Variants in SNTG1 observed in about 807,000 individuals in gnomAD.
SNTG1 encodes the protein gamma-1-syntrophin.
SNTG1 carries 39 observed loss-of-function variants against 74.7 expected under a neutral mutation model. The observed-to-expected ratio is 0.52, with a 90% CI of 0.40 to 0.68. The LOEUF (loss-of-function observed/expected upper bound fraction) is 0.68, where lower values mean the gene tolerates loss of function less well. SNTG1 is among the 30% of genes least tolerant of loss of function. The pLI, the probability that SNTG1 is intolerant of heterozygous loss-of-function variation, is 0.00. For synonymous variants in SNTG1, 254 were observed against 217.1 expected (o/e 1.17, Z -1.49); for missense variants, 685 against 609.5 (o/e 1.12, Z -1.30).
rs571466265 is a variant in SNTG1 at position 50,044,851 on chromosome 8, A to G, written c.-102-127710A>G. ...AAGAACTTCCAGATATAAGGACTTA[A>G]GAGATGATTTTATGGTTATAAGGAA... On this transcript the variant is annotated intron_variant, in intron 1 of 18. Transcript: ENST00000642720. 2.0e-5 allele frequency among the ~76,000 whole-genome samples: 3 copies of G among 152,354 alleles called. No individual in the cohort carries two copies. The South Asian group carries it at 6.2e-4, about 32-fold the overall frequency.
At chr8:50,436,604 T>A (rs2093306081) in intron 4 of SNTG1, among the ~76,000 whole-genome samples, 1 of 152,194 alleles carries the variant, frequency 6.6e-6, no homozygotes, top group African/African-American at 2.4e-5. Context: ...AGTAATTTGC[T>A]GAATGGATGA....
intron 17 of SNTG1, among the ~76,000 whole-genome samples, chr8:50,724,942 A>T (rs1563783517): frequency 1.3e-5 from 2 of 152,154 alleles, no homozygotes; most frequent in African/African-American, 4.8e-5. Context: ...GAGTTAACAG[A>T]TTTTTTTAAA....
intron 2 of SNTG1, among the ~76,000 whole-genome samples, chr8:50,331,749 T>C (rs538019587): frequency 6.6e-6 from 1 of 152,164 alleles, no homozygotes; most frequent in African/African-American, 2.4e-5. Flanking sequence ...AGTTTGAAGG[T>C]ACAATGGACA....
intron 1 of SNTG1, among the ~76,000 whole-genome samples, chr8:50,075,166 G>A (rs1239179863): frequency 6.6e-6 from 1 of 152,136 alleles, no homozygotes; most frequent in African/African-American, 2.4e-5. Flanking sequence ...TGGGCTCCTG[G>A]GCAGCCGGAG....
Position 49,938,426 on chromosome 8 carries a change from G to A in SNTG1, c.-103+26195G>A, listed in dbSNP as rs1018260269. ...GCATGTTTATTAAATTGGATACTCA[G>A]GATGAAAATCATCACTACATAGACA... On this transcript the variant is annotated intron_variant, in intron 1 of 18. Transcript: ENST00000642720. 5.3e-5 allele frequency among the ~76,000 whole-genome samples: 8 copies of A among 152,180 alleles called. No homozygotes were observed. The East Asian group carries it at 5.8e-4, about 11-fold the overall frequency.
intron 1 of SNTG1, among the ~76,000 whole-genome samples, chr8:50,107,240 G>C (rs2080406474): frequency 6.6e-6 from 1 of 152,092 alleles, no homozygotes; most frequent in Non-Finnish European, 1.5e-5. Context: ...CCAAAACAAA[G>C]TGTAACTTGG....
At position 50,609,824 on chromosome 8, in the gene SNTG1, T is replaced by G. The variant is rs139542232; in HGVS notation, c.849+18907T>G. 7.9e-3 allele frequency among the ~76,000 whole-genome samples: 1,202 copies of G among 152,236 alleles called. 12 individuals carry two copies. Among genetic ancestry groups the G allele is most frequent in the African/African-American group, 0.026 (1,100 of 41,576 alleles). On this transcript the variant is annotated intron_variant, in intron 13 of 18. Transcript: ENST00000642720. ...TTCTATTCTTTTCTACTCTAAAAGT[T>G]TCATTTGTTTCTTATTTTTAAATTT...
Position 50,752,775 on chromosome 8 carries a change from C to T in SNTG1, c.1395+664C>T, listed in dbSNP as rs2095570904. Among the ~76,000 whole-genome samples, 3 of 151,896 alleles carry T rather than the reference C, an allele frequency of 2.0e-5. No individual in the cohort carries two copies. In the South Asian group the frequency reaches 6.2e-4, roughly 31 times the overall value. ...ATTCAGAACCTTCCCAGGAATGTCC[C>T]TTGATGATATTTTTGGCAAAGTATC... On this transcript the variant is annotated intron_variant, in intron 18 of 18. Coordinates refer to ENST00000642720, the MANE Select transcript of SNTG1 (RefSeq NM_018967.5).
chr8:50,777,684 T>A (rs2095645027), intron 18 of SNTG1, among the ~76,000 whole-genome samples: 2 of 151,658 alleles, frequency 1.3e-5, no homozygotes, highest in Non-Finnish European at 2.9e-5. Context: ...TCTCTCTCTC[T>A]CTTTTTTTTA....
Position 50,438,609 on chromosome 8 carries a change from C to T in SNTG1, c.219+10C>T, listed in dbSNP as rs1454350476. On this transcript the variant is annotated intron_variant, in intron 5 of 18. Transcript: ENST00000642720. ...TGGATTAAGCATAAAGGTAGCCTGC[C>T]TTTCTAGTCTATCCTTACAAAGGCC... 3.1e-6 allele frequency: 5 copies of T among 1,609,848 alleles called. No homozygotes were observed. In the East Asian group the frequency reaches 6.7e-5, roughly 22 times the overall value.
At chr8:50,508,561 C>T (rs955701642) in intron 9 of SNTG1, among the ~76,000 whole-genome samples, 1 of 152,220 alleles carries the variant, frequency 6.6e-6, no homozygotes, top group Non-Finnish European at 1.5e-5. Flanking sequence ...TCCTATTTCT[C>T]CACATCCTCT....
At chr8:50,026,202 C>T (rs62501397) in intron 1 of SNTG1, among the ~76,000 whole-genome samples, 16,731 of 152,096 alleles carry the variant, frequency 0.11, 1,274 homozygotes, top group Non-Finnish European at 0.16. Context: ...AGATTGAGTC[C>T]ATGTATACCT....
At chr8:50,140,807 G>T (rs1223483804) in intron 1 of SNTG1, among the ~76,000 whole-genome samples, 1 of 152,168 alleles carries the variant, frequency 6.6e-6, no homozygotes, top group African/African-American at 2.4e-5. Flanking sequence ...TTAAAACATG[G>T]TCATTTTGGA....
chr8:50,287,482 G>A (rs2088849613), intron 2 of SNTG1, among the ~76,000 whole-genome samples: 1 of 152,130 alleles, frequency 6.6e-6, no homozygotes, highest in Non-Finnish European at 1.5e-5. Flanking sequence ...ACTGTCTGAG[G>A]CTCAGGTTTC....
intron 1 of SNTG1, among the ~76,000 whole-genome samples, chr8:50,066,229 T>A (rs1028776812): frequency 3.1e-4 from 47 of 151,550 alleles, no homozygotes; most frequent in Non-Finnish European, 5.7e-4. Flanking sequence ...AAAAAAAAAA[T>A]TAAGTAAACC....
chr8:49,918,511 A>G (rs1010564151), intron 1 of SNTG1, among the ~76,000 whole-genome samples: 1 of 152,206 alleles, frequency 6.6e-6, no homozygotes, highest in Non-Finnish European at 1.5e-5. Flanking sequence ...TCATATGTGT[A>G]AAAACAGATA....
intron 1 of SNTG1, among the ~76,000 whole-genome samples, chr8:50,053,902 C>T (rs1819800208): frequency 6.6e-6 from 1 of 151,912 alleles, no homozygotes; most frequent in South Asian, 2.1e-4. Context: ...ATTTTTGAAA[C>T]ACCAAAACTA....
chr8:50,378,550 C>T (rs2092427628), intron 2 of SNTG1, among the ~76,000 whole-genome samples: 1 of 152,118 alleles, frequency 6.6e-6, no homozygotes, highest in Admixed American at 6.5e-5. Flanking sequence ...GTGAGCAAGA[C>T]AAAGAGGAGC....
chr8:50,708,228 T>A (rs1369619830), intron 16 of SNTG1: 2 of 157,690 alleles, frequency 1.3e-5, no homozygotes. Context: ...ACAAGAAAAA[T>A]TATAATATTA....
Sources: gnomAD v4.1 joint callset for allele counts (sites outside exome capture counted in the v4.1 genomes callset) on GRCh38, gnomAD v4.1.1 for gene constraint, MANE v1.5 for transcripts, NCBI Gene and HGNC (gene_info 2026-07-23, HGNC 2026-07-21) for gene names.